MAGI2: variants seen among roughly 807,000 people sequenced by gnomAD.
MAGI2 encodes membrane associated guanylate kinase, WW and PDZ domain containing 2, also known as membrane-associated guanylate kinase, WW and PDZ domain-containing protein 2.
MAGI2 carries 35 observed loss-of-function variants against 133.3 expected under a neutral mutation model. The ratio of observed to expected loss-of-function variants is 0.26; its 90% CI spans 0.20 to 0.35. MAGI2 has a LOEUF of 0.35. Ranked by LOEUF, MAGI2 falls within the 10% of genes least tolerant of loss-of-function variation. MAGI2 has a pLI of 1.00. For synonymous variants in MAGI2, 729 were observed against 710.6 expected (o/e 1.03, Z -0.41); for missense variants, 1,636 against 1,863.4 (o/e 0.88, Z 2.25).
intron 1 of MAGI2, among the ~76,000 whole-genome samples, chr7:79,261,756 A>G (rs1372985561): frequency 6.6e-6 from 1 of 152,160 alleles, no homozygotes; most frequent in African/African-American, 2.4e-5. Flanking sequence ...CAATTTAAAG[A>G]TCTCTAAATC....
intron 5 of MAGI2, among the ~76,000 whole-genome samples, chr7:78,492,657 T>G (rs532861573): frequency 3.3e-5 from 5 of 152,276 alleles, no homozygotes; most frequent in Non-Finnish European, 7.4e-5. Context: ...CGTACTATCT[T>G]TCAAGTTTAA....
At chr7:78,884,353 A>T (rs1472122598) in intron 2 of MAGI2, among the ~76,000 whole-genome samples, 1 of 152,098 alleles carries the variant, frequency 6.6e-6, no homozygotes, top group Non-Finnish European at 1.5e-5. Context: ...GTGTGCTGGC[A>T]CATTCCTGTA....
chr7:78,516,281 C>T (rs926387839), intron 4 of MAGI2, among the ~76,000 whole-genome samples: 8 of 152,072 alleles, frequency 5.3e-5, no homozygotes, highest in African/African-American at 1.9e-4. Context: ...TGAGTTGCTA[C>T]CTGAGGAATT....
At chr7:78,947,298 G>A (rs772355392) in intron 2 of MAGI2, among the ~76,000 whole-genome samples, 1 of 151,918 alleles carries the variant, frequency 6.6e-6, no homozygotes, top group Non-Finnish European at 1.5e-5. Flanking sequence ...ACCCAAATAC[G>A]TGACACATTT....
chr7:78,986,543 G>A (rs1342113443), intron 2 of MAGI2, among the ~76,000 whole-genome samples: 1 of 151,660 alleles, frequency 6.6e-6, no homozygotes, highest in African/African-American at 2.4e-5. Flanking sequence ...ATTGTACAAT[G>A]GCCTTGTTGT....
intron 6 of MAGI2, 114 bp from the exon 7 acceptor site, chr7:78,369,327 C>T: frequency 1.5e-6 from 1 of 682,168 alleles, no homozygotes; most frequent in Non-Finnish European, 2.5e-6. Flanking sequence ...TGGAACAAAG[C>T]ATTCAGAGTC....
chr7:78,448,923 G>C (rs192811600), intron 6 of MAGI2, among the ~76,000 whole-genome samples: 1 of 151,970 alleles, frequency 6.6e-6, no homozygotes, highest in South Asian at 2.1e-4. Flanking sequence ...ACAGTGTCTC[G>C]TAGAGCGAAA....
At chr7:79,410,780 A>G (rs896698112) in intron 1 of MAGI2, 1 of 152,170 alleles carries the variant, frequency 6.6e-6, no homozygotes, top group Non-Finnish European at 1.5e-5. Context: ...TGATTGCCAA[A>G]AGTAAAATTT....
chr7:79,356,014 C>T (rs1165361771), intron 1 of MAGI2, among the ~76,000 whole-genome samples: 1 of 152,026 alleles, frequency 6.6e-6, no homozygotes, highest in African/African-American at 2.4e-5. Context: ...CAAACAATAT[C>T]TAGGAAATAA....
chr7:78,928,704 G>C (rs766264478), intron 2 of MAGI2, among the ~76,000 whole-genome samples: 1 of 151,978 alleles, frequency 6.6e-6, no homozygotes, highest in African/African-American at 2.4e-5. Context: ...GATTACATAT[G>C]ATATCTTCCC....
intron 9 of MAGI2, among the ~76,000 whole-genome samples, chr7:78,314,640 T>C (rs553596217): frequency 6.6e-6 from 1 of 152,240 alleles, no homozygotes; most frequent in East Asian, 1.9e-4. Flanking sequence ...GGCCTCTGAG[T>C]TGATTGTTTT....
At chr7:78,251,212 AAGAAT>A (rs1208680687) in intron 10 of MAGI2, among the ~76,000 whole-genome samples, 2 of 152,204 alleles carry the variant, frequency 1.3e-5, no homozygotes, top group Non-Finnish European at 2.9e-5. Flanking sequence ...CCAGCAAACC[AAGAAT>A]AGAAGACAAC....
chr7:79,011,069 G>A (rs1019526887), intron 1 of MAGI2: 4 of 152,112 alleles, frequency 2.6e-5, no homozygotes, highest in African/African-American at 9.7e-5. Flanking sequence ...TATTGCAAAC[G>A]AGGCAAGTGA....
At chr7:79,148,972 C>T (rs1822921439) in intron 1 of MAGI2, among the ~76,000 whole-genome samples, 1 of 145,818 alleles carries the variant, frequency 6.9e-6, no homozygotes, top group Non-Finnish European at 1.5e-5. Context: ...TGCTCATCCT[C>T]CCCTGTCTAT....
chr7:79,002,551 G>T (rs1806979095), intron 2 of MAGI2, among the ~76,000 whole-genome samples: 1 of 151,892 alleles, frequency 6.6e-6, no homozygotes, highest in Non-Finnish European at 1.5e-5. Context: ...TTTATTATCA[G>T]TTAGCTACCA....
At chr7:79,175,075 A>G (rs1357149166) in intron 1 of MAGI2, among the ~76,000 whole-genome samples, 2 of 151,932 alleles carry the variant, frequency 1.3e-5, no homozygotes, top group Non-Finnish European at 2.9e-5. Flanking sequence ...AATGGTGCTC[A>G]TTAAATGCTG....
intron 1 of MAGI2, among the ~76,000 whole-genome samples, chr7:79,331,946 TAAA>T (rs56251920): frequency 4.1e-5 from 6 of 146,308 alleles, no homozygotes; most frequent in African/African-American, 1.3e-4. Context: ...TAAAGTATAA[TAAA>T]AAAAAAAAGG....
chr7:78,890,613 G>A (rs578226035), intron 2 of MAGI2, among the ~76,000 whole-genome samples: 1 of 152,218 alleles, frequency 6.6e-6, no homozygotes, highest in East Asian at 1.9e-4. Context: ...TGAACAACCT[G>A]CTCCTGAATG....
chr7:78,968,580 ATTTG>A (rs1178751919), intron 2 of MAGI2, among the ~76,000 whole-genome samples: 6 of 152,034 alleles, frequency 3.9e-5, no homozygotes, highest in African/African-American at 1.4e-4. Context: ...ATTTCTTCAC[ATTTG>A]TTTGATCTTC....
Sources: gnomAD v4.1 joint callset for allele counts (sites outside exome capture counted in the v4.1 genomes callset) on GRCh38, gnomAD v4.1.1 for gene constraint, MANE v1.5 for transcripts, NCBI Gene and HGNC (gene_info 2026-07-23, HGNC 2026-07-21) for gene names.